PRH1: variants seen among roughly 807,000 people sequenced by gnomAD.
PRH1 encodes the protein salivary acidic proline-rich phosphoprotein 1/2.
PRH1 carries 7 observed loss-of-function variants against 7.9 expected under a neutral mutation model. That is an observed-to-expected ratio of 0.89 (90% confidence interval 0.50 to 1.67). The LOEUF (loss-of-function observed/expected upper bound fraction) is 1.67. Among genes scored for constraint, PRH1 ranks in the 40% most tolerant of loss-of-function variants. The pLI, the probability that PRH1 is intolerant of heterozygous loss-of-function variation, is 0.00. For missense variants in PRH1, 109 were observed against 223.6 expected (o/e 0.49, Z 3.27); for synonymous variants, 45 against 80.8 (o/e 0.56, Z 2.38).
chr12:11,050,861 T>A (rs912608830), upstream of PRH1, among the ~76,000 whole-genome samples: 2 of 152,240 alleles, frequency 1.3e-5, no homozygotes, highest in Non-Finnish European at 2.9e-5. Flanking sequence ...CCATTCACCG[T>A]GAGAACATCA....
At chr12:11,133,942 G>T in intron 1 of PRH1, 1 of 1,614,126 alleles carries the variant, frequency 6.2e-7, no homozygotes, top group Non-Finnish European at 8.5e-7. Context: ...ACATGCTGAG[G>T]CTAGTAGCAA....
At chr12:11,021,265 T>C (rs1941611978) in intron 1 of PRH1, among the ~76,000 whole-genome samples, 1 of 152,118 alleles carries the variant, frequency 6.6e-6, no homozygotes, top group South Asian at 2.1e-4. Context: ...AAATTAGAGG[T>C]TCACCAATGA....
intron 2 of PRH1, among the ~76,000 whole-genome samples, chr12:10,945,736 C>T (rs921895446): frequency 6.6e-6 from 1 of 152,102 alleles, no homozygotes; most frequent in Non-Finnish European, 1.5e-5. Context: ...TCCTAATAAG[C>T]CTGGGAGTGC....
chr12:10,981,883 C>CTTTTT (rs1939375795), intron 1 of PRH1, among the ~76,000 whole-genome samples: 15 of 118,232 alleles, frequency 1.3e-4, no homozygotes, highest in Non-Finnish European at 2.2e-4. Context: ...TTTTTTTTTA[C>CTTTTT]AGATTCTTAC....
At chr12:10,923,471 C>A (rs1950081069) in intron 2 of PRH1, among the ~76,000 whole-genome samples, 1 of 152,160 alleles carries the variant, frequency 6.6e-6, no homozygotes, top group Non-Finnish European at 1.5e-5. Context: ...AATCACCTGT[C>A]TTTAACTGTT....
chr12:11,071,779 T>G lies in PRH1; in HGVS notation n.124-24591A>C, dbSNP rs562761514. ...AGCAAAACATACATGTCGGTGTATG[T>G]TATTCCTCTGTCATTGAGTCAGGGT... On this transcript the variant is annotated intron_variant and non_coding_transcript_variant, in intron 1 of 4. Coordinates refer to the PRH1 transcript ENST00000541977. 1.9e-4 allele frequency among the ~76,000 whole-genome samples: 29 copies of G among 152,248 alleles called. No homozygotes were observed. In the East Asian group the frequency reaches 5.2e-3, roughly 27 times the overall value.
At chr12:11,112,597 T>A (rs562717098) in intron 1 of PRH1, among the ~76,000 whole-genome samples, 1 of 152,310 alleles carries the variant, frequency 6.6e-6, no homozygotes, top group African/African-American at 2.4e-5. Context: ...TTGATAAAAT[T>A]CAACATGCCT....
Position 11,030,471 on chromosome 12 carries a change from T to C in PRH1, c.-126+16549A>G, listed in dbSNP as rs201072528. ...ACTTGCCGCAAAACTGAAAGAAAAG[T>C]CTGCTTTAGCTTCTTGTTTCCCCAA... On this transcript the variant is annotated intron_variant, in intron 1 of 3. Transcript: ENST00000539853. The C allele has an allele frequency of 5.4e-4, 871 of 1,614,276 alleles. No homozygotes were observed. Among genetic ancestry groups the C allele is most frequent in the Non-Finnish European group, 7.1e-4 (833 of 1,180,038 alleles).
chr12:11,035,662 A>T (rs2136110905), intron 1 of PRH1, among the ~76,000 whole-genome samples: 1 of 152,316 alleles, frequency 6.6e-6, no homozygotes, highest in East Asian at 1.9e-4. Context: ...GAATAAAAGC[A>T]AGATCTAGGC....
At chr12:11,070,284 T>C (rs1215974880) in intron 1 of PRH1, among the ~76,000 whole-genome samples, 2 of 152,154 alleles carry the variant, frequency 1.3e-5, no homozygotes, top group African/African-American at 2.4e-5. Context: ...TCTGTGGGCA[T>C]TCCACCAAAA....
chr12:10,896,178 C>T (rs1949642062), intron 2 of PRH1, among the ~76,000 whole-genome samples: 1 of 152,082 alleles, frequency 6.6e-6, no homozygotes, highest in Admixed American at 6.5e-5. Flanking sequence ...CAAATTTGAA[C>T]CCTCATTTGT....
chr12:11,075,900 TC>T (rs879601257), intron 1 of PRH1, among the ~76,000 whole-genome samples: 7,748 of 60,828 alleles, frequency 0.13, 524 homozygotes, highest in Non-Finnish European at 0.19. Context: ...CATTAACGTA[TC>T]ATTTTTGACC....
chr12:10,993,485 T>G (rs1940044942), intron 1 of PRH1, among the ~76,000 whole-genome samples: 1 of 152,122 alleles, frequency 6.6e-6, no homozygotes, highest in African/African-American at 2.4e-5. Context: ...AACAAGAAGA[T>G]TCAGTGACCT....
intron 1 of PRH1, chr12:10,986,223 C>G: frequency 6.2e-7 from 1 of 1,614,086 alleles, no homozygotes. Flanking sequence ...CGATCCTTCT[C>G]CATGGAGCTG....
intron 1 of PRH1, chr12:11,133,627 G>C (rs1005023446): frequency 7.4e-6 from 12 of 1,614,150 alleles, no homozygotes; most frequent in Non-Finnish European, 1.0e-5. Context: ...GCATCTTCTT[G>C]AGATGTTTAC....
At chr12:11,007,788 A>C (rs1290811870) in intron 1 of PRH1, among the ~76,000 whole-genome samples, 1 of 152,058 alleles carries the variant, frequency 6.6e-6, no homozygotes, top group Non-Finnish European at 1.5e-5. Flanking sequence ...AATGAGAATG[A>C]GATCACCCCC....
intron 1 of PRH1, among the ~76,000 whole-genome samples, chr12:11,025,388 AT>A (rs1190104248): frequency 1.7e-5 from 1 of 59,742 alleles, no homozygotes; most frequent in Non-Finnish European, 4.8e-5. Context: ...AATCCATTGA[AT>A]TCCTGCTTCC....
chr12:10,988,868 G>A (rs532410828), intron 1 of PRH1, among the ~76,000 whole-genome samples: 17 of 151,906 alleles, frequency 1.1e-4, no homozygotes, highest in African/African-American at 2.4e-4. Flanking sequence ...GTGCAGTGGC[G>A]CGATCTCAGC....
rs184657310 is a variant in PRH1, at chr12:10,899,606, G to A, written c.-58-15331C>T. ...GTTTATTCTCTCTTCACATGTGCCC[G>A]CTTCTGCTTTGACCTTCTCCACCAT... On this transcript the variant is annotated intron_variant, in intron 2 of 3. Transcript: ENST00000539853. Among the ~76,000 whole-genome samples the A allele has an allele frequency of 7.8e-4, 118 of 152,218 alleles. 1 individual carries two copies. The highest frequency in any genetic ancestry group is 6.5e-3 in the Admixed American group (99 of 15,262).
Sources: allele counts gnomAD v4.1 joint callset (sites outside exome capture counted in the v4.1 genomes callset), GRCh38; gene constraint gnomAD v4.1.1; transcripts MANE v1.5; gene names NCBI Gene and HGNC (gene_info 2026-07-23, HGNC 2026-07-21).